SLIT1: variants seen among roughly 807,000 people sequenced by gnomAD.
The protein encoded by SLIT1 is slit guidance ligand 1, also known as slit homolog 1 protein.
Under a neutral mutation model 186.1 loss-of-function variants are expected in SLIT1, and 66 were observed. The observed-to-expected ratio is 0.35, with a 90% confidence interval of 0.29 to 0.44. The LOEUF (loss-of-function observed/expected upper bound fraction) is 0.44, where lower values mean the gene tolerates loss of function less well. Ranked by LOEUF, SLIT1 falls within the 20% of genes least tolerant of loss-of-function variation. The probability of loss-of-function intolerance (pLI) is 1.00; values close to 1 mark genes in which losing one functional copy is unlikely to be tolerated. For synonymous variants in SLIT1, 761 were observed against 833.8 expected (o/e 0.91, Z 1.50); for missense variants, 1,638 against 2,037.4 (o/e 0.80, Z 3.77).
At chr10:97,084,924 C>CTTTTT (rs34001660) in intron 4 of SLIT1, among the ~76,000 whole-genome samples, 2 of 126,164 alleles carry the variant, frequency 1.6e-5, no homozygotes, top group Non-Finnish European at 1.6e-5. Flanking sequence ...CTTTTCTTTC[C>CTTTTT]TTTTTTTTTT....
At chr10:97,095,919 G>A (rs1037467606) in intron 4 of SLIT1, among the ~76,000 whole-genome samples, 6 of 152,200 alleles carry the variant, frequency 3.9e-5, no homozygotes, top group African/African-American at 1.4e-4. Flanking sequence ...GGCAGGTCTG[G>A]GGTGGGCCTG....
intron 25 of SLIT1, among the ~76,000 whole-genome samples, chr10:97,027,906 C>T (rs2134606505): frequency 6.6e-6 from 1 of 152,210 alleles, no homozygotes; most frequent in Non-Finnish European, 1.5e-5. Context: ...ACAAGAGATA[C>T]ATTAAGGGGG....
chr10:97,140,416 C>T (rs1377403552), intron 4 of SLIT1, among the ~76,000 whole-genome samples: 1 of 152,170 alleles, frequency 6.6e-6, no homozygotes, highest in Non-Finnish European at 1.5e-5. Context: ...CACCGCCCTC[C>T]TTGGGCCCCA....
intron 4 of SLIT1, chr10:97,103,543 CAACA>C (rs1465166747): frequency 6.6e-6 from 1 of 152,204 alleles, no homozygotes; most frequent in Non-Finnish European, 1.5e-5. Flanking sequence ...CTAATTTTTA[CAACA>C]ATCAGACTCC....
At chr10:97,163,549 G>T (rs906670158) in intron 2 of SLIT1, 98 bp from the exon 3 acceptor site, 92 of 957,184 alleles carry the variant, frequency 9.6e-5, no homozygotes, top group Middle Eastern at 6.3e-4. Flanking sequence ...CTCTGCCAGG[G>T]CAGCATTAGC....
In SLIT1 at chr10:97,006,386, C is replaced by T; in HGVS notation, c.3579+97G>A. ...TGATTACACAGAGTCCTTCCAGTTC[C>T]CCAGGCACCATGCAGGGATGTATCC... On this transcript the variant is annotated intron_variant, in intron 32 of 36. Transcript: ENST00000266058. The surrounding 1 kb of genome is among the most constrained non-coding windows in gnomAD (Gnocchi z 4.0). 1.2e-6 allele frequency: 1 copy of T among 808,844 alleles called. No individual in the cohort carries two copies. The highest frequency in any genetic ancestry group is 2.1e-6 in the Non-Finnish European group (1 of 482,984). 50.1% of individuals were successfully genotyped at this position (808,844 alleles called of 1,614,324 possible).
Position 97,014,167 on chromosome 10 carries a change from G to C in SLIT1, c.2970-9C>G. ...CGGTGGGACAGGAGCACCTGTGCGG[G>C]GAAGGGGAGGATGGAGAGACAGCCC... is the stretch of plus-strand genomic sequence containing the variant. On this transcript the variant is annotated splice_polypyrimidine_tract_variant and intron_variant, in intron 28 of 36. Coordinates refer to ENST00000266058, the MANE Select transcript of SLIT1 (RefSeq NM_003061.3). 1.9e-6 allele frequency: 3 copies of C among 1,612,900 alleles called. No homozygotes were observed. Among genetic ancestry groups the C allele is most frequent in the Non-Finnish European group, 2.5e-6 (3 of 1,179,970 alleles).
chr10:97,037,887 C>T lies in SLIT1; in HGVS notation c.2298-121G>A, dbSNP rs1387940632. 5.8e-6 allele frequency: 4 copies of T among 692,124 alleles called. No individual in the cohort carries two copies. The African/African-American group carries it at 7.1e-5, about 12-fold the overall frequency. The allele number at this position is 692,124 out of a possible 1,614,324, so 42.9% of individuals were successfully genotyped here. A position where few individuals can be genotyped will look rare whatever the true frequency, so the allele number is the denominator to read the frequency against. On this transcript the variant is annotated intron_variant, in intron 21 of 36. Coordinates refer to ENST00000266058, the MANE Select transcript of SLIT1 (RefSeq NM_003061.3). The stretch of plus-strand genomic sequence containing the variant: ...CATTTCCTCTCCTCCACATAGGCCA[C>T]ACGATGGGCCCAGAATCACTTATGG...
intron 4 of SLIT1, among the ~76,000 whole-genome samples, chr10:97,073,827 G>A (rs781172934): frequency 2.0e-5 from 3 of 152,132 alleles, no homozygotes; most frequent in Non-Finnish European, 4.4e-5. Context: ...ATGGAAAGCG[G>A]CACTTATGTT....
intron 4 of SLIT1, among the ~76,000 whole-genome samples, chr10:97,147,695 C>T (rs1849833872): frequency 6.6e-6 from 1 of 152,180 alleles, no homozygotes. Flanking sequence ...AGTCGCCCCA[C>T]TCTTCAAGAA....
chr10:97,167,491 T>C (rs1380183103), intron 1 of SLIT1, among the ~76,000 whole-genome samples: 1 of 152,228 alleles, frequency 6.6e-6, no homozygotes, highest in African/African-American at 2.4e-5. Context: ...ACAAGTTAAA[T>C]GGATGTTAGT....
intron 4 of SLIT1, among the ~76,000 whole-genome samples, chr10:97,138,674 TAGA>T (rs1849727920): frequency 6.6e-6 from 1 of 152,142 alleles, no homozygotes; most frequent in African/African-American, 2.4e-5. Flanking sequence ...TAGTTACCTT[TAGA>T]AGGACAAGAC....
intron 32 of SLIT1, among the ~76,000 whole-genome samples, chr10:97,005,704 G>A (rs954819596): frequency 5.9e-5 from 9 of 152,244 alleles, no homozygotes; most frequent in African/African-American, 1.9e-4. Flanking sequence ...TAGGCTAGCT[G>A]TTGTCTTGCC....
intron 20 of SLIT1, among the ~76,000 whole-genome samples, chr10:97,042,623 C>T (rs1848699372): frequency 6.6e-6 from 1 of 152,200 alleles, no homozygotes; most frequent in African/African-American, 2.4e-5. Context: ...ACTGTTTTCT[C>T]TGAGCGATGG....
chr10:96,998,127 C>T lies in SLIT1; in HGVS notation c.*2985G>A, dbSNP rs181952023. On this transcript the variant is annotated 3_prime_UTR_variant, in exon 37 of 37. Transcript: ENST00000266058. The stretch of plus-strand genomic sequence containing the variant: ...ATACTTCCAGGGCAGGTGCAGCTCC[C>T]TCATGGGCCTGTTCTAAACCAGCCT... 4.1e-4 allele frequency: 62 copies of T among 152,380 alleles called. No individual in the cohort carries two copies. The highest frequency in any genetic ancestry group is 1.4e-3 in the African/African-American group (60 of 41,584). 9.4% of individuals were successfully genotyped at this position (152,380 alleles called of 1,614,324 possible).
At chr10:97,177,187 T>C (rs770407624) in intron 1 of SLIT1, among the ~76,000 whole-genome samples, 1 of 152,132 alleles carries the variant, frequency 6.6e-6, no homozygotes, top group African/African-American at 2.4e-5. Context: ...CCCATCTCTC[T>C]CTCCAACCTG....
intron 4 of SLIT1, among the ~76,000 whole-genome samples, chr10:97,067,422 C>G (rs1178714885): frequency 1.3e-5 from 2 of 152,182 alleles, no homozygotes; most frequent in Non-Finnish European, 2.9e-5. Context: ...CAGCCACACT[C>G]CCCCCAGGCC....
chr10:97,117,449 A>T (rs531821732), intron 4 of SLIT1, among the ~76,000 whole-genome samples: 118 of 152,318 alleles, frequency 7.7e-4, no homozygotes, highest in South Asian at 4.4e-3. Context: ...TAGCTAGCAT[A>T]ATAAAGGTGT....
At chr10:97,178,109 G>A (rs1033505335) in intron 1 of SLIT1, among the ~76,000 whole-genome samples, 3 of 152,120 alleles carry the variant, frequency 2.0e-5, no homozygotes, top group African/African-American at 7.2e-5. Flanking sequence ...AAAACTCGGG[G>A]GATGAAAGCT....
Sources: gnomAD v4.1 joint callset for allele counts (sites outside exome capture counted in the v4.1 genomes callset) on GRCh38, gnomAD v4.1.1 for gene constraint, Gnocchi (gnomAD v3.1) non-coding constraint, MANE v1.5 for transcripts, NCBI Gene and HGNC (gene_info 2026-07-23, HGNC 2026-07-21) for gene names.